Variants in SFMBT1 observed in about 807,000 individuals in gnomAD.
SFMBT1 encodes scm-like with four MBT domains protein 1.
Under a neutral mutation model 108.7 loss-of-function variants are expected in SFMBT1, and 32 were observed. The ratio of observed to expected loss-of-function variants is 0.29; its 90% CI spans 0.22 to 0.40. The LOEUF (loss-of-function observed/expected upper bound fraction) is 0.40. Among genes scored for constraint, SFMBT1 ranks in the 10% least tolerant of loss-of-function variants. The probability of loss-of-function intolerance (pLI) is 1.00; values close to 1 mark genes in which losing one functional copy is unlikely to be tolerated. For missense variants in SFMBT1, 816 were observed against 1,059.6 expected (o/e 0.77, Z 3.19); for synonymous variants, 348 against 369.5 (o/e 0.94, Z 0.67).
At chr3:52,954,805 C>T (rs963408415) in intron 2 of SFMBT1, among the ~76,000 whole-genome samples, 5 of 151,902 alleles carry the variant, frequency 3.3e-5, no homozygotes, top group African/African-American at 1.2e-4. Flanking sequence ...CAACTTGATC[C>T]TTTCTTAGTA....
intron 1 of SFMBT1, among the ~76,000 whole-genome samples, chr3:53,006,457 C>T (rs1185629892): frequency 1.3e-5 from 2 of 151,984 alleles, no homozygotes; most frequent in African/African-American, 4.8e-5. Context: ...GGTGAAACCC[C>T]GTCTCTACTA....
At position 52,912,590 on chromosome 3, in the gene SFMBT1, G is replaced by T; in HGVS notation, c.1678C>A (p.Gln560Lys). 1 of 1,614,130 alleles carries T rather than the reference G, an allele frequency of 6.2e-7. No individual in the cohort carries two copies. Among genetic ancestry groups the T allele is most frequent in the East Asian group, 2.2e-5 (1 of 44,884 alleles). ...YKPSRVLREL[Q>K]LDKDSVWHGC... ...TGCCACACAGAGTCTTTGTCCAGCT[G>T]GAGCTCCCGAAGGACACGGCTGGGT... is the stretch of plus-strand genomic sequence containing the variant. The change falls in exon 16 of 21, where the codon CAG (glutamine) becomes AAG (lysine). Residue 560 changes from glutamine (Q) to lysine (K), a missense_variant. Transcript: ENST00000394752.
At chr3:53,030,646 C>A (rs191754309) in intron 1 of SFMBT1, among the ~76,000 whole-genome samples, 319 of 136,812 alleles carry the variant, frequency 2.3e-3, no homozygotes, top group African/African-American at 8.2e-3. Flanking sequence ...TCACCCTCCT[C>A]CTTTAAAATT....
At chr3:53,044,024 C>T (rs929790491) in intron 1 of SFMBT1, among the ~76,000 whole-genome samples, 6 of 152,182 alleles carry the variant, frequency 3.9e-5, no homozygotes, top group Admixed American at 2.0e-4. Flanking sequence ...GTGTGGTTAT[C>T]AGGGCATATA....
Position 52,906,164 on chromosome 3 carries a change from C to T in SFMBT1, c.2409G>A (p.Arg803=). Residue 803 remains arginine (R), a synonymous_variant, in exon 20 of 21, where the codon CGG becomes CGA. Transcript: ENST00000394752. ...GAGCACAGTCAGTGGATCTGATGAACCGCACAACGTCTGCCACACTCCACT... is the reference window on the plus strand; with the variant it reads ...GAGCACAGTCAGTGGATCTGATGAATCGCACAACGTCTGCCACACTCCACT... The part of the protein sequence containing the change: ...PLKWSVADVV[R]FIRSTDCAPL... The T allele has an allele frequency of 6.2e-7, 1 of 1,614,092 alleles. No individual in the cohort carries two copies. Among genetic ancestry groups the T allele is most frequent in the Non-Finnish European group, 8.5e-7 (1 of 1,179,968 alleles).
intron 2 of SFMBT1, among the ~76,000 whole-genome samples, chr3:52,957,281 C>G (rs1301571467): frequency 1.3e-5 from 2 of 152,110 alleles, no homozygotes; most frequent in East Asian, 3.9e-4. Context: ...TGAAAGACCC[C>G]TTCAAGGAGA....
chr3:52,915,421 A>G (rs1318143633), intron 14 of SFMBT1, among the ~76,000 whole-genome samples: 1 of 152,252 alleles, frequency 6.6e-6, no homozygotes, highest in Admixed American at 6.5e-5. Context: ...GGCAGTAGGT[A>G]CAAGAGACGG....
chr3:52,928,170 C>T, intron 9 of SFMBT1, 21 bp downstream of exon 9: 1 of 1,603,474 alleles, frequency 6.2e-7, no homozygotes, highest in Non-Finnish European at 8.5e-7. Context: ...AGTGACAATT[C>T]AGAAGACAGC....
intron 1 of SFMBT1, among the ~76,000 whole-genome samples, chr3:53,040,644 C>T (rs1026701681): frequency 6.7e-6 from 1 of 149,952 alleles, no homozygotes; most frequent in African/African-American, 2.5e-5. Flanking sequence ...AAAAAAAAGA[C>T]CCAATGCACA....
At chr3:53,005,486 T>C (rs1698708617) in intron 1 of SFMBT1, among the ~76,000 whole-genome samples, 1 of 152,194 alleles carries the variant, frequency 6.6e-6, no homozygotes, top group Non-Finnish European at 1.5e-5. Flanking sequence ...CTAATTGTTA[T>C]TGTAGAAACA....
At position 52,920,563 on chromosome 3, in the gene SFMBT1, G is replaced by A. The variant is rs1386921172; in HGVS notation, c.1346C>T (p.Pro449Leu). 1 of 1,613,712 alleles carries A rather than the reference G, an allele frequency of 6.2e-7. No homozygotes were observed. Among genetic ancestry groups the A allele is most frequent in the South Asian group, 1.1e-5 (1 of 91,056 alleles). Residue 449 changes from proline (P) to leucine (L), a missense_variant, in exon 12 of 21, where the codon CCC becomes CTC. Around this residue, in one of 5 missense-constraint regions of SFMBT1, gnomAD observed 495 missense variants for 607.4 expected, o/e 0.81. Transcript: ENST00000394752. ...PLGWCETNGH[P>L]LSTPRRARVY... Reference sequence around the variant, plus strand: ...TCGTGCTCGGCGAGGAGTGCTGAGGGGGTGGCCGTTGGTTTCACACCAGCC... The same window carrying A: ...TCGTGCTCGGCGAGGAGTGCTGAGGAGGTGGCCGTTGGTTTCACACCAGCC...
At position 52,938,664 on chromosome 3, in the gene SFMBT1, G is replaced by C. The variant is rs71299627; in HGVS notation, c.365-3763C>G. The stretch of plus-strand genomic sequence containing the variant: ...GTTTTTTTTTTTAAGACAATTAGTG[G>C]GCTTATACAACTATTCACGTTTTCC... On this transcript the variant is annotated intron_variant, in intron 4 of 20. Coordinates refer to ENST00000394752, the MANE Select transcript of SFMBT1 (RefSeq NM_016329.4). Among the ~76,000 whole-genome samples the C allele has an allele frequency of 2.0e-3, 300 of 150,864 alleles. 1 individual carries two copies. Among genetic ancestry groups the C allele is most frequent in the Middle Eastern group, 0.01 (3 of 292 alleles).
At chr3:53,033,220 G>A (rs1699747454) in intron 1 of SFMBT1, among the ~76,000 whole-genome samples, 3 of 151,930 alleles carry the variant, frequency 2.0e-5, no homozygotes, top group Admixed American at 6.6e-5. Flanking sequence ...GAGTGCAGTG[G>A]CGCAATCTCG....
At chr3:52,990,006 C>T (rs6798309) in intron 1 of SFMBT1, among the ~76,000 whole-genome samples, 4,497 of 152,200 alleles carry the variant, frequency 0.03, 260 homozygotes, top group African/African-American at 0.1. Flanking sequence ...AAATTTCCAG[C>T]ACCATCTACT....
At chr3:52,953,729 T>C (rs1703673228) in intron 3 of SFMBT1, among the ~76,000 whole-genome samples, 1 of 152,244 alleles carries the variant, frequency 6.6e-6, no homozygotes, top group African/African-American at 2.4e-5. Context: ...TTTTTCAATT[T>C]ATGACAAGGT....
intron 1 of SFMBT1, among the ~76,000 whole-genome samples, chr3:53,045,614 G>GCCCCGC (rs1283940115): frequency 2.0e-5 from 2 of 102,198 alleles, no homozygotes; most frequent in South Asian, 3.5e-4. Context: ...CGCTCCCCCC[G>GCCCCGC]CCCCGCCCCC....
At chr3:53,035,844 C>A (rs1379233118) in intron 1 of SFMBT1, among the ~76,000 whole-genome samples, 3 of 152,248 alleles carry the variant, frequency 2.0e-5, no homozygotes, top group African/African-American at 7.2e-5. Flanking sequence ...CCGCCCACCT[C>A]AGCCTCCCAA....
At chr3:53,030,446 T>C (rs993777827) in intron 1 of SFMBT1, among the ~76,000 whole-genome samples, 1 of 152,180 alleles carries the variant, frequency 6.6e-6, no homozygotes, top group African/African-American at 2.4e-5. Context: ...TGTGTATCCC[T>C]GTTTAAAATG....
In SFMBT1 at chr3:52,920,546, G is replaced by A. The variant is rs1575373923; in HGVS notation, c.1363C>T (p.Arg455Ter). The change falls in exon 12 of 21, where the codon CGA (arginine) becomes TGA (stop). Residue 455 changes from arginine (R) to a stop codon, truncating the protein, a stop_gained. Transcript: ENST00000394752. LOFTEE classifies it high-confidence loss of function. ...TNGHPLSTPR[R>*]ARVYKQRKIA... ...AGAAATAGACAGATACCTCGTGCTC[G>A]GCGAGGAGTGCTGAGGGGGTGGCCG... The A allele has an allele frequency of 1.2e-6, 2 of 1,611,604 alleles. No individual in the cohort carries two copies. The highest frequency in any genetic ancestry group is 1.7e-6 in the Non-Finnish European group (2 of 1,178,248).
Sources: gnomAD v4.1 joint callset for allele counts (sites outside exome capture counted in the v4.1 genomes callset) on GRCh38, gnomAD v4.1.1 for gene constraint, gnomAD v4.1.1 regional missense constraint, MANE v1.5 for transcripts, NCBI Gene and HGNC (gene_info 2026-07-23, HGNC 2026-07-21) for gene names.